Variants in CDH7 observed in about 807,000 individuals in gnomAD.
CDH7 encodes cadherin 7, also known as cadherin-7.
CDH7 carries 25 observed loss-of-function variants against 71.8 expected under a neutral mutation model. That is an observed-to-expected ratio of 0.35 (90% CI 0.25 to 0.49). The LOEUF is 0.49. Among genes scored for constraint, CDH7 ranks in the 20% least tolerant of loss-of-function variants. The probability of loss-of-function intolerance (pLI) is 0.99; values close to 1 mark genes in which losing one functional copy is unlikely to be tolerated. For synonymous variants in CDH7, 381 were observed against 363.8 expected (o/e 1.05, Z -0.54); for missense variants, 862 against 974.6 (o/e 0.88, Z 1.54).
intron 7 of CDH7, among the ~76,000 whole-genome samples, chr18:65,857,218 C>T (rs542763279): frequency 1.3e-5 from 2 of 151,296 alleles, no homozygotes; most frequent in African/African-American, 2.4e-5. Context: ...GATGGTGGCT[C>T]ACGCCTATAA....
rs1219864995 is a variant in CDH7 at position 65,781,836 on chromosome 18, T to C, written c.210+18784T>C. Among the ~76,000 whole-genome samples, 34 of 91,582 alleles carry C rather than the reference T, an allele frequency of 3.7e-4. 1 individual carries two copies. The highest frequency in any genetic ancestry group is 2.4e-3 in the African/African-American group (32 of 13,240). The allele number at this position is 91,582 out of a possible 152,430, so 60.1% of individuals were successfully genotyped here. On this transcript the variant is annotated intron_variant, in intron 2 of 11. Transcript: ENST00000397968. The stretch of plus-strand genomic sequence containing the variant: ...CTTCCTTCCTTCTTTCTTTCTTTCT[T>C]TCTTTCTTTCTTTCTTTCTTTCTTT...
rs1367140571 is a variant in CDH7 at position 65,880,564 on chromosome 18, C to T, written c.2028C>T (p.Val676=). The change falls in exon 12 of 12, where the codon GTC becomes GTT. Residue 676 remains valine, a synonymous_variant. Coordinates refer to ENST00000397968, the MANE Select transcript of CDH7 (RefSeq NM_004361.5). ...TGGCTGCACTGAGAAACCTCAACGT[C>T]ATCCGAGACACCAAGACCCGGAGGG... The part of the protein sequence containing the change: ...FDMAALRNLN[V]IRDTKTRRDV... The T allele has an allele frequency of 6.2e-7, 1 of 1,613,874 alleles. No homozygotes were observed. Among genetic ancestry groups the T allele is most frequent in the Admixed American group, 1.7e-5 (1 of 59,970 alleles).
intron 1 of CDH7, among the ~76,000 whole-genome samples, chr18:65,762,385 G>A (rs1407361231): frequency 6.6e-6 from 1 of 152,118 alleles, no homozygotes; most frequent in Admixed American, 6.5e-5. Flanking sequence ...AAATGCCCTA[G>A]AAGAAAAGTG....
In CDH7 at chr18:65,810,051, G is replaced by A. The variant is rs149095441; in HGVS notation, c.505+53G>A. On this transcript the variant is annotated intron_variant, in intron 3 of 11. Transcript: ENST00000397968. ...GCTTGTGGCCGATTTGGGGAGATTT[G>A]TATTTAAAATTAAATCATCATTAAG... The A allele has an allele frequency of 1.5e-3, 2,116 of 1,385,814 alleles. 19 individuals are homozygous for A. The East Asian group carries it at 0.02, about 13-fold the overall frequency. The allele number at this position is 1,385,814 out of a possible 1,614,324, so 85.8% of individuals were successfully genotyped here.
intron 11 of CDH7, among the ~76,000 whole-genome samples, chr18:65,867,621 C>A (rs1913804708): frequency 6.6e-6 from 1 of 152,094 alleles, no homozygotes; most frequent in Admixed American, 6.5e-5. Context: ...CAGCTAAATT[C>A]TTTCTGTTCC....
chr18:65,817,371 C>A (rs577032785), intron 4 of CDH7, among the ~76,000 whole-genome samples: 9 of 152,156 alleles, frequency 5.9e-5, no homozygotes, highest in African/African-American at 1.7e-4. Flanking sequence ...TGAGAACATC[C>A]CCTACAGGTT....
chr18:65,781,724 A>C (rs979340151), intron 2 of CDH7, among the ~76,000 whole-genome samples: 5 of 151,524 alleles, frequency 3.3e-5, no homozygotes, highest in African/African-American at 1.2e-4. Context: ...TAGAGCAAAC[A>C]ACCTTTCTAG....
chr18:65,821,420 G>A (rs181623291), intron 4 of CDH7, among the ~76,000 whole-genome samples: 2 of 152,088 alleles, frequency 1.3e-5, no homozygotes, highest in African/African-American at 2.4e-5. Context: ...ACACACATAA[G>A]GATTCATTGA....
intron 4 of CDH7, among the ~76,000 whole-genome samples, chr18:65,821,838 A>G (rs1911940482): frequency 6.6e-6 from 1 of 152,124 alleles, no homozygotes; most frequent in Admixed American, 6.5e-5. Context: ...TTTCCATGAA[A>G]CCTAAAGATA....
At chr18:65,763,352 G>A (rs11151214) in intron 2 of CDH7, among the ~76,000 whole-genome samples, 59,542 of 151,920 alleles carry the variant, frequency 0.39, 12,751 homozygotes, top group African/African-American at 0.57. Flanking sequence ...ATAAACTGTC[G>A]TTACCAAAGT....
intron 2 of CDH7, among the ~76,000 whole-genome samples, chr18:65,790,917 A>T (rs143698374): frequency 6.6e-6 from 1 of 152,346 alleles, no homozygotes; most frequent in East Asian, 1.9e-4. Flanking sequence ...TGATTAGTTT[A>T]AAATGGACCC....
At chr18:65,801,500 T>A (rs2143884518) in intron 2 of CDH7, among the ~76,000 whole-genome samples, 1 of 152,300 alleles carries the variant, frequency 6.6e-6, no homozygotes, top group Admixed American at 6.5e-5. Flanking sequence ...TCTAAATAAA[T>A]ATTACCGAAT....
chr18:65,807,548 C>T (rs1043688297), intron 2 of CDH7, among the ~76,000 whole-genome samples: 53 of 152,276 alleles, frequency 3.5e-4, no homozygotes, highest in African/African-American at 1.2e-3. Context: ...TAACATTGCA[C>T]ACCACTGTCA....
At chr18:65,805,403 C>A (rs530169960) in intron 2 of CDH7, among the ~76,000 whole-genome samples, 2 of 152,146 alleles carry the variant, frequency 1.3e-5, no homozygotes, top group South Asian at 2.1e-4. Flanking sequence ...TGTGGGAAAA[C>A]GAGGCCTGGG....
intron 3 of CDH7, 61 bp from the exon 4 acceptor site, chr18:65,814,424 C>T (rs1450288535): frequency 3.0e-5 from 47 of 1,578,856 alleles, no homozygotes; most frequent in Non-Finnish European, 4.0e-5. Context: ...ACATTTTGTA[C>T]GTTTTTTGTT....
intron 2 of CDH7, among the ~76,000 whole-genome samples, chr18:65,785,653 A>G (rs1011465778): frequency 1.3e-5 from 2 of 152,102 alleles, no homozygotes; most frequent in Non-Finnish European, 2.9e-5. Flanking sequence ...AATGGAGTTT[A>G]GGGAAACTTA....
rs542717563 is a variant in CDH7 at position 65,771,544 on chromosome 18, G to A, written c.210+8492G>A. Among the ~76,000 whole-genome samples, 5 of 151,864 alleles carry A rather than the reference G, an allele frequency of 3.3e-5. No homozygotes were observed. In the East Asian group the frequency reaches 9.7e-4, roughly 29 times the overall value. ...AAAAATTAGCCGGACGTCATTGCAT[G>A]TGCCTGTTGTAATCCCAGCTACTTG... On this transcript the variant is annotated intron_variant, in intron 2 of 11. Coordinates refer to ENST00000397968, the MANE Select transcript of CDH7 (RefSeq NM_004361.5).
intron 6 of CDH7, among the ~76,000 whole-genome samples, chr18:65,839,212 C>T (rs1001927163): frequency 6.6e-6 from 1 of 152,080 alleles, no homozygotes; most frequent in African/African-American, 2.4e-5. Flanking sequence ...TGTCTTAGTC[C>T]GTTTGGGCTA....
chr18:65,751,421 G>A (rs1915872477), intron 1 of CDH7, among the ~76,000 whole-genome samples: 1 of 152,172 alleles, frequency 6.6e-6, no homozygotes, highest in Non-Finnish European at 1.5e-5. Flanking sequence ...AGTAGTTGAG[G>A]GTAAGAGCAA....
Sources: gnomAD v4.1 joint callset for allele counts (sites outside exome capture counted in the v4.1 genomes callset) on GRCh38, gnomAD v4.1.1 for gene constraint, MANE v1.5 for transcripts, NCBI Gene and HGNC (gene_info 2026-07-23, HGNC 2026-07-21) for gene names.